The following ADGRL3 variants were observed in gnomAD, a reference collection of about 807,000 sequenced individuals.
ADGRL3 encodes the protein adhesion G protein-coupled receptor L3, also known as calcium-independent alpha-latrotoxin receptor 3.
ADGRL3 carries 62 observed loss-of-function variants against 153.5 expected under a neutral mutation model. The ratio of observed to expected loss-of-function variants is 0.40; its 90% CI spans 0.33 to 0.50. ADGRL3 has a LOEUF of 0.50. Among genes scored for constraint, ADGRL3 ranks in the 20% least tolerant of loss-of-function variants. The probability of loss-of-function intolerance (pLI) is 0.47; values close to 1 mark genes in which losing one functional copy is unlikely to be tolerated. For missense variants in ADGRL3, 1,641 were observed against 1,859.4 expected (o/e 0.88, Z 2.16); for synonymous variants, 710 against 672.5 (o/e 1.06, Z -0.86).
At chr4:61,658,227 T>G (rs1480421229) in intron 5 of ADGRL3, among the ~76,000 whole-genome samples, 2 of 152,182 alleles carry the variant, frequency 1.3e-5, no homozygotes, top group East Asian at 1.9e-4. Context: ...TTCTTGACTT[T>G]ACTTATTTTT....
At chr4:61,207,446 CATTG>C (rs1737842046) in intron 1 of ADGRL3, among the ~76,000 whole-genome samples, 1 of 152,140 alleles carries the variant, frequency 6.6e-6, no homozygotes, top group Non-Finnish European at 1.5e-5. Context: ...TCCAGTCTAT[CATTG>C]ATTGGCATTT....
At position 61,881,920 on chromosome 4, in the gene ADGRL3, C is replaced by A. The variant is rs560190656; in HGVS notation, c.1481-10736C>A. On this transcript the variant is annotated intron_variant, in intron 9 of 26. Coordinates refer to ENST00000683033, the MANE Select transcript of ADGRL3 (RefSeq NM_001387552.1). ...CCTAAGAAAAGAGTCTAAATCTATA[C>A]CAATTCAACTACTTAACGCCCTTGG... Among the ~76,000 whole-genome samples, 38 of 152,252 alleles carry A rather than the reference C, an allele frequency of 2.5e-4. No individual in the cohort carries two copies. In the East Asian group the frequency reaches 6.9e-3, roughly 28 times the overall value.
intron 5 of ADGRL3, among the ~76,000 whole-genome samples, chr4:61,611,666 T>C: frequency 6.6e-6 from 1 of 152,198 alleles, no homozygotes. Flanking sequence ...CTCGTGCTTG[T>C]AATCCCGGCA....
At chr4:61,935,798 T>TA (rs2098835921) in intron 14 of ADGRL3, 125 bp from the exon 15 acceptor site, 2 of 891,368 alleles carry the variant, frequency 2.2e-6, no homozygotes, top group Non-Finnish European at 3.2e-6. Flanking sequence ...AAGATTTTCA[T>TA]AAAGCATGAC....
chr4:61,209,579 T>G (rs1306864043), intron 1 of ADGRL3, among the ~76,000 whole-genome samples: 2 of 152,094 alleles, frequency 1.3e-5, no homozygotes, highest in African/African-American at 4.8e-5. Context: ...AAGGTTCAAG[T>G]CTTGTATTTA....
chr4:61,233,191 C>G (rs34435614), intron 1 of ADGRL3, among the ~76,000 whole-genome samples: 9,683 of 152,122 alleles, frequency 0.064, 315 homozygotes, highest in Non-Finnish European at 0.069. Context: ...AGGTATTAAA[C>G]TTAGGTTTTA....
intron 1 of ADGRL3, among the ~76,000 whole-genome samples, chr4:61,262,669 C>T (rs1213342528): frequency 6.6e-6 from 1 of 151,926 alleles, no homozygotes; most frequent in Non-Finnish European, 1.5e-5. Flanking sequence ...TTGTTAAGAG[C>T]GTTTATCTTA....
At chr4:61,549,378 G>A (rs533853641) in intron 4 of ADGRL3, among the ~76,000 whole-genome samples, 63 of 152,134 alleles carry the variant, frequency 4.1e-4, no homozygotes, top group South Asian at 2.7e-3. Context: ...ATGAGAGAGG[G>A]CATCTTTGTC....
intron 6 of ADGRL3, among the ~76,000 whole-genome samples, chr4:61,709,668 T>G (rs923178591): frequency 6.6e-6 from 1 of 152,182 alleles, no homozygotes; most frequent in Non-Finnish European, 1.5e-5. Flanking sequence ...GAAAGCCTGG[T>G]CTCACAACCT....
intron 8 of ADGRL3, among the ~76,000 whole-genome samples, chr4:61,799,017 A>G (rs931942360): frequency 5.3e-5 from 6 of 113,424 alleles, no homozygotes; most frequent in Admixed American, 4.4e-4. Context: ...ATATATATAT[A>G]TATATATATA....
intron 5 of ADGRL3, among the ~76,000 whole-genome samples, chr4:61,638,574 C>T (rs2093529621): frequency 6.6e-6 from 1 of 152,164 alleles, no homozygotes; most frequent in Non-Finnish European, 1.5e-5. Flanking sequence ...TTTATCTTTA[C>T]TAACCACTGT....
chr4:61,473,747 C>A lies in ADGRL3; in HGVS notation c.-173-23374C>A, dbSNP rs141151573. Among the ~76,000 whole-genome samples, 148 of 152,038 alleles carry A rather than the reference C, an allele frequency of 9.7e-4. 4 individuals are homozygous for A. In the East Asian group the frequency reaches 0.025, roughly 26 times the overall value. On this transcript the variant is annotated intron_variant, in intron 2 of 26. Transcript: ENST00000683033. The stretch of plus-strand genomic sequence containing the variant: ...TTTTAAAAAAAAATAGAAAAGCTTA[C>A]TTCTATCTGTGGGGCCTGGAATCAT...
chr4:61,750,762 C>T (rs993765773), intron 8 of ADGRL3, among the ~76,000 whole-genome samples: 12 of 146,334 alleles, frequency 8.2e-5, no homozygotes, highest in African/African-American at 3.2e-4. Context: ...TGCACTCCAG[C>T]CTGGGCGACA....
intron 9 of ADGRL3, among the ~76,000 whole-genome samples, chr4:61,887,660 C>T (rs909942232): frequency 6.6e-6 from 1 of 152,066 alleles, no homozygotes; most frequent in African/African-American, 2.4e-5. Context: ...TCCTGGTCAA[C>T]ATGGTGAAAA....
intron 8 of ADGRL3, among the ~76,000 whole-genome samples, chr4:61,738,590 A>T (rs561500424): frequency 1.3e-5 from 2 of 152,182 alleles, no homozygotes; most frequent in African/African-American, 4.8e-5. Context: ...ATGAAAAAAA[A>T]GCTTAACTCC....
At chr4:61,597,652 C>T (rs145636560) in intron 5 of ADGRL3, among the ~76,000 whole-genome samples, 5 of 149,296 alleles carry the variant, frequency 3.3e-5, no homozygotes, top group Admixed American at 1.3e-4. Context: ...TGGTAATGGT[C>T]GTTTTTTGTT....
At chr4:62,060,484 T>A (rs923721013) in intron 25 of ADGRL3, among the ~76,000 whole-genome samples, 4 of 151,966 alleles carry the variant, frequency 2.6e-5, no homozygotes, top group Non-Finnish European at 5.9e-5. Flanking sequence ...CTAGTTCATT[T>A]TAACTTATAC....
intron 13 of ADGRL3, among the ~76,000 whole-genome samples, chr4:61,930,389 T>A (rs2098812981): frequency 6.6e-6 from 1 of 152,204 alleles, no homozygotes; most frequent in Non-Finnish European, 1.5e-5. Context: ...CATTATTTTG[T>A]GTATTCTTCC....
At chr4:61,610,848 T>C (rs1191126146) in intron 5 of ADGRL3, among the ~76,000 whole-genome samples, 1 of 152,016 alleles carries the variant, frequency 6.6e-6, no homozygotes, top group Non-Finnish European at 1.5e-5. Flanking sequence ...AAAAAATAAA[T>C]ATTAAAAAGA....
Sources: allele counts gnomAD v4.1 joint callset (sites outside exome capture counted in the v4.1 genomes callset), GRCh38; gene constraint gnomAD v4.1.1; transcripts MANE v1.5; gene names NCBI Gene and HGNC (gene_info 2026-07-23, HGNC 2026-07-21).